ZNF507: variants seen among roughly 807,000 people sequenced by gnomAD.
ZNF507 encodes the protein zinc finger protein 507.
In ZNF507, 29 loss-of-function variants were observed where a neutral mutation model predicts 80.0. The ratio of observed to expected loss-of-function variants is 0.36; its 90% CI spans 0.27 to 0.49. The LOEUF (loss-of-function observed/expected upper bound fraction) is 0.49. ZNF507 is among the 20% of genes least tolerant of loss of function. ZNF507 has a pLI of 0.98. For missense variants in ZNF507, 1,081 were observed against 1,152.2 expected (o/e 0.94, Z 0.90); for synonymous variants, 462 against 422.5 (o/e 1.09, Z -1.15).
At chr19:32,363,786 G>A (rs577875631) in intron 5 of ZNF507, among the ~76,000 whole-genome samples, 83 of 152,236 alleles carry the variant, frequency 5.5e-4, no homozygotes, top group African/African-American at 1.9e-3. Context: ...GGGAAACAAA[G>A]AAGAATTAAT....
chr19:32,351,278 G>T (rs552416941), intron 2 of ZNF507, among the ~76,000 whole-genome samples: 2 of 152,214 alleles, frequency 1.3e-5, no homozygotes, highest in African/African-American at 2.4e-5. Flanking sequence ...TACTGAAGAA[G>T]CCAAGAGTAA....
chr19:32,349,080 A>G (rs1239628073), intron 2 of ZNF507, among the ~76,000 whole-genome samples: 1 of 152,238 alleles, frequency 6.6e-6, no homozygotes, highest in Non-Finnish European at 1.5e-5. Flanking sequence ...GAGAGGCATC[A>G]GAATCAGAAG....
chr19:32,353,350 G>A lies in ZNF507; in HGVS notation c.520G>A (p.Val174Met), dbSNP rs78467561. The part of the protein sequence containing the change: ...SRSQEELEAH[V>M]VNDHDNDANI... The stretch of plus-strand genomic sequence containing the variant: ...AAGCCAGGAGGAACTTGAAGCCCAC[G>A]TGGTGAATGACCATGACAATGATGC... Residue 174 changes from valine to methionine, a missense_variant, in exon 3 of 7, where the codon GTG becomes ATG. Val to Met is a conservative substitution (Grantham distance 21, BLOSUM62 1). Transcript: ENST00000355898. 2.3e-4 allele frequency: 374 copies of A among 1,614,202 alleles called. No homozygotes were observed. The highest frequency in any genetic ancestry group is 3.0e-4 in the Non-Finnish European group (355 of 1,180,048).
At position 32,382,594 on chromosome 19, in the gene ZNF507, A is replaced by G. The variant is rs1157100684; in HGVS notation, c.2488A>G (p.Ser830Gly). 6.2e-7 allele frequency: 1 copy of G among 1,614,198 alleles called. No homozygotes were observed. Residue 830 changes from serine to glycine, a missense_variant, in exon 6 of 7, where the codon AGT (serine) becomes GGT (glycine). Transcript: ENST00000355898. ...NKAINDAISQSGRVLGKSPGK... is the reference protein window; with the variant it reads ...NKAINDAISQGGRVLGKSPGK... The stretch of plus-strand genomic sequence containing the variant: ...GGCTATTAACGACGCGATTTCACAA[A>G]GTGGCAGGTATTTCATCCTACCCCC...
At chr19:32,356,352 G>A (rs889595806) in intron 3 of ZNF507, among the ~76,000 whole-genome samples, 3 of 152,156 alleles carry the variant, frequency 2.0e-5, no homozygotes, top group Non-Finnish European at 4.4e-5. Flanking sequence ...ATACGGACAC[G>A]CCCTGTGTAA....
rs1450094051 is a variant in ZNF507, at chr19:32,383,849, CAG to C, written c.*769_*770del. On this transcript the variant is annotated 3_prime_UTR_variant, in exon 7 of 7. Coordinates refer to ENST00000355898, the MANE Select transcript of ZNF507 (RefSeq NM_001136156.2). ...AATGCTAAATCGTCTTCCGTGTTCTCAGAGGTTCTTTTCAGTGTCTGTCAGAA... is the reference window on the plus strand; with the variant it reads ...AATGCTAAATCGTCTTCCGTGTTCTCAGGTTCTTTTCAGTGTCTGTCAGAA... 1 of 152,210 alleles carries C rather than the reference CAG, an allele frequency of 6.6e-6. No individual in the cohort carries two copies. Among genetic ancestry groups the C allele is most frequent in the Non-Finnish European group, 1.5e-5 (1 of 68,046 alleles). 9.4% of individuals were successfully genotyped at this position (152,210 alleles called of 1,614,324 possible).
chr19:32,351,398 C>T (rs1177620236), intron 2 of ZNF507, among the ~76,000 whole-genome samples: 1 of 128,500 alleles, frequency 7.8e-6, no homozygotes, highest in African/African-American at 3.0e-5. Context: ...TTGTGGGCGA[C>T]CTGGCACTGA....
intron 5 of ZNF507, among the ~76,000 whole-genome samples, chr19:32,376,265 CTT>C (rs530015755): frequency 1.3e-5 from 2 of 151,812 alleles, no homozygotes; most frequent in Non-Finnish European, 2.9e-5. Flanking sequence ...TTTTTATTTT[CTT>C]TTTTTTCCTA....
At chr19:32,374,705 C>T (rs1326474323) in intron 5 of ZNF507, among the ~76,000 whole-genome samples, 1 of 152,268 alleles carries the variant, frequency 6.6e-6, no homozygotes, top group Non-Finnish European at 1.5e-5. Context: ...TGGTCCCAAA[C>T]TCATGACCTC....
intron 5 of ZNF507, 189 bp from the exon 6 acceptor site, chr19:32,382,278 G>A (rs1303012420): frequency 1.4e-5 from 8 of 564,828 alleles, no homozygotes; most frequent in East Asian, 5.9e-5. Flanking sequence ...TTGATTCTAG[G>A]ACTTCCATTC....
intron 3 of ZNF507, among the ~76,000 whole-genome samples, chr19:32,356,176 A>G (rs1323561072): frequency 6.6e-6 from 1 of 152,172 alleles, no homozygotes; most frequent in Non-Finnish European, 1.5e-5. Context: ...AGTAGAGGAG[A>G]CAGGATGTCC....
chr19:32,354,054 C>G lies in ZNF507; in HGVS notation c.1224C>G (p.Thr408=), dbSNP rs149202856. 7 of 1,614,074 alleles carry G rather than the reference C, an allele frequency of 4.3e-6. No homozygotes were observed. Among genetic ancestry groups the G allele is most frequent in the Middle Eastern group, 1.6e-4 (1 of 6,062 alleles). The part of the protein sequence containing the change: ...IVERLPSAEE[T]LSQKRFLMNT... Reference sequence around the variant, plus strand: ...AGCGATTGCCAAGTGCTGAAGAAACCCTTTCACAGAAGCGCTTCCTCATGA... The same window carrying G: ...AGCGATTGCCAAGTGCTGAAGAAACGCTTTCACAGAAGCGCTTCCTCATGA... The change falls in exon 3 of 7, where the codon ACC becomes ACG. Residue 408 remains threonine (T), a synonymous_variant. Transcript: ENST00000355898.
chr19:32,378,639 C>CTT (rs573244402), intron 5 of ZNF507, among the ~76,000 whole-genome samples: 9 of 92,476 alleles, frequency 9.7e-5, no homozygotes, highest in African/African-American at 3.1e-4. Flanking sequence ...AAATTAGAAG[C>CTT]TTTTTTTTTT....
At chr19:32,368,625 T>A (rs1049303459) in intron 5 of ZNF507, among the ~76,000 whole-genome samples, 3 of 152,180 alleles carry the variant, frequency 2.0e-5, no homozygotes, top group African/African-American at 7.2e-5. Context: ...AAGCTTCAAT[T>A]TGTTTAAGGA....
intron 5 of ZNF507, chr19:32,380,742 C>T (rs752127510): frequency 6.1e-5 from 57 of 938,078 alleles, no homozygotes; most frequent in Non-Finnish European, 8.9e-5. Context: ...AGCAATTATG[C>T]TCCTGAGTGT....
rs931971734 is a variant in ZNF507, at chr19:32,377,107, G to A, written c.2361-5360G>A. Among the ~76,000 whole-genome samples, 7 of 152,064 alleles carry A rather than the reference G, an allele frequency of 4.6e-5. No individual in the cohort carries two copies. The East Asian group carries it at 5.8e-4, about 13-fold the overall frequency. On this transcript the variant is annotated intron_variant, in intron 5 of 6. Transcript: ENST00000355898. ...GTTAGGCCTCCAGATAACTGCGGGC[G>A]GGCCTGACTCATGTCAGGCCCTCCA...
chr19:32,360,658 A>T, intron 5 of ZNF507, 40 bp downstream of exon 5: 6 of 1,104,876 alleles, frequency 5.4e-6, no homozygotes, highest in Non-Finnish European at 7.5e-6. Flanking sequence ...TTTGTATTAA[A>T]ATATTTTATA....
chr19:32,372,667 C>G (rs1001337847), intron 5 of ZNF507, among the ~76,000 whole-genome samples: 1 of 151,926 alleles, frequency 6.6e-6, no homozygotes, highest in East Asian at 1.9e-4. Context: ...CTCAAGAGAA[C>G]TAACTCATTC....
rs996112773 is a variant in ZNF507, at chr19:32,353,059, A to G, written c.229A>G (p.Thr77Ala). ...GAAACGCCCACGTTCAAGTGCTGCA[A>G]CACACTCTCTTGAAACCCAAGAACT... ...GKKRPRSSAA[T>A]HSLETQELCE... The change falls in exon 3 of 7, where the codon ACA (threonine) becomes GCA (alanine). Residue 77 changes from threonine to alanine, a missense_variant. Physicochemically the swap from Thr to Ala is moderately conservative, Grantham distance 58. This residue lies in a region of ZNF507 where 275 missense variants were observed against 303.9 expected (regional missense o/e 0.90). Transcript: ENST00000355898. The G allele has an allele frequency of 4.3e-6, 7 of 1,614,076 alleles. No homozygotes were observed. The highest frequency in any genetic ancestry group is 2.7e-5 in the African/African-American group (2 of 74,940).
Sources: allele counts gnomAD v4.1 joint callset (sites outside exome capture counted in the v4.1 genomes callset), GRCh38; gene constraint gnomAD v4.1.1; regional missense constraint gnomAD v4.1.1; transcripts MANE v1.5; gene names NCBI Gene and HGNC (gene_info 2026-07-23, HGNC 2026-07-21).